The following SEC16B variants were observed in gnomAD, a reference collection of about 807,000 sequenced individuals.
The protein encoded by SEC16B is SEC16 homolog B, endoplasmic reticulum export factor.
Under a neutral mutation model 141.8 loss-of-function variants are expected in SEC16B, and 115 were observed. That is an observed-to-expected ratio of 0.81 (90% CI 0.70 to 0.95). The LOEUF (loss-of-function observed/expected upper bound fraction) is 0.95, where lower values mean the gene tolerates loss of function less well. Ranked by LOEUF, SEC16B falls within the 40% of genes least tolerant of loss-of-function variation. SEC16B has a pLI of 0.00. For synonymous variants in SEC16B, 493 were observed against 492.5 expected (o/e 1.00, Z -0.01); for missense variants, 1,291 against 1,312.3 (o/e 0.98, Z 0.25).
intron 25 of SEC16B, 80 bp downstream of exon 25, chr1:177,930,465 A>C: frequency 1.1e-6 from 1 of 892,258 alleles, no homozygotes; most frequent in Non-Finnish European, 1.8e-6. Flanking sequence ...CATAAATGGT[A>C]AACTGGGATG....
At chr1:177,969,509 G>A (rs1406395508) in intron 1 of SEC16B, among the ~76,000 whole-genome samples, 1 of 152,126 alleles carries the variant, frequency 6.6e-6, no homozygotes, top group Non-Finnish European at 1.5e-5. Context: ...GAAGGCTGGT[G>A]GAACTCAAAA....
At chr1:177,980,149 T>C (rs567404615) in intron 1 of SEC16B, among the ~76,000 whole-genome samples, 1 of 152,282 alleles carries the variant, frequency 6.6e-6, no homozygotes, top group East Asian at 1.9e-4. Flanking sequence ...CTTTTACACT[T>C]AGGATGCAAT....
At chr1:177,937,187 G>A (rs1650906584) in intron 19 of SEC16B, 27 bp downstream of exon 19, 1 of 1,576,224 alleles carries the variant, frequency 6.3e-7, no homozygotes, top group East Asian at 2.2e-5. Context: ...TACATTCAAT[G>A]TGGCCACCCT....
At chr1:177,964,041 G>C (rs1240841441) in intron 5 of SEC16B, 130 bp downstream of exon 5, 2 of 619,830 alleles carry the variant, frequency 3.2e-6, no homozygotes, top group Admixed American at 6.3e-5. Context: ...TCTGCCAAGA[G>C]GGGAGGAATG....
chr1:177,959,120 T>C (rs1652870586), intron 8 of SEC16B, 145 bp from the exon 9 acceptor site: 2 of 804,402 alleles, frequency 2.5e-6, no homozygotes, highest in Non-Finnish European at 4.2e-6. Context: ...GTAATGAGTC[T>C]ATAGCTATAG....
intron 25 of SEC16B, 70 bp downstream of exon 25, chr1:177,930,475 G>T: frequency 9.9e-7 from 1 of 1,007,942 alleles, no homozygotes; most frequent in Non-Finnish European, 1.5e-6. Context: ...AAACTGGGAT[G>T]ATAAACCTAG....
chr1:177,939,778 C>T lies in SEC16B; in HGVS notation c.2128-1G>A, dbSNP rs1158026071. 5.7e-6 allele frequency: 9 copies of T among 1,572,788 alleles called. No individual in the cohort carries two copies. Among genetic ancestry groups the T allele is most frequent in the African/African-American group, 1.4e-5 (1 of 73,882 alleles). On this transcript the variant is annotated splice_acceptor_variant, in intron 17 of 25. Transcript: ENST00000308284. LOFTEE classifies it high-confidence loss of function. Reference sequence around the variant, plus strand: ...CCCCAATGTCTCCTGCTACCTTTTGCTATTTAAAATAAAGTAAAATTCCTT... The same window carrying T: ...CCCCAATGTCTCCTGCTACCTTTTGTTATTTAAAATAAAGTAAAATTCCTT...
intron 1 of SEC16B, among the ~76,000 whole-genome samples, chr1:177,976,845 T>C (rs1290266425): frequency 2.0e-5 from 3 of 152,124 alleles, no homozygotes; most frequent in South Asian, 4.1e-4. Flanking sequence ...AATGCCCCCA[T>C]TGAGCCATGA....
upstream of SEC16B, among the ~76,000 whole-genome samples, chr1:177,972,051 A>T (rs976592072): frequency 2.6e-5 from 4 of 152,198 alleles, no homozygotes; most frequent in African/African-American, 4.8e-5. Context: ...TAGAATTGTC[A>T]TTCTGTTACT....
intron 13 of SEC16B, among the ~76,000 whole-genome samples, chr1:177,946,751 C>T (rs1651748113): frequency 6.6e-6 from 1 of 152,228 alleles, no homozygotes; most frequent in East Asian, 1.9e-4. Context: ...CATTTCTCTT[C>T]AGCCAGAATA....
chr1:177,975,629 A>T lies in SEC16B; in HGVS notation c.-58-7590T>A, dbSNP rs187444163. ...AAACATTACATTACAATAATTTTTT[A>T]AAAATTCTTAATCAAAGTGGGAATG... On this transcript the variant is annotated intron_variant and NMD_transcript_variant, in intron 1 of 24. Transcript: ENST00000528461. Among the ~76,000 whole-genome samples the T allele has an allele frequency of 2.5e-3, 377 of 152,342 alleles. 1 individual carries two copies. The highest frequency in any genetic ancestry group is 8.4e-3 in the African/African-American group (348 of 41,574).
chr1:177,941,937 T>C lies in SEC16B; in HGVS notation c.1985A>G (p.Glu662Gly). ...AIGAAVLSQG[E>G]SSHPVLLVEL... is the part of the protein sequence containing the mutation. ...CACTAATAGCACAGGGTGACTGCTC[T>C]CTCCCTGGCTCAAGACAGCTGCACC... The change falls in exon 16 of 26, where the codon GAG becomes GGG. Residue 662 changes from glutamate to glycine, a missense_variant. Glu to Gly is a moderately conservative substitution (Grantham distance 98, BLOSUM62 -2). Transcript: ENST00000308284. 2 of 1,614,022 alleles carry C rather than the reference T, an allele frequency of 1.2e-6. No homozygotes were observed. The highest frequency in any genetic ancestry group is 1.7e-6 in the Non-Finnish European group (2 of 1,179,892).
At position 177,936,290 on chromosome 1, in the gene SEC16B, G is replaced by A. The variant is rs750745027; in HGVS notation, c.2571+8C>T. On this transcript the variant is annotated splice_region_variant and intron_variant, in intron 20 of 25. Coordinates refer to ENST00000308284, the MANE Select transcript of SEC16B (RefSeq NM_033127.4). Reference sequence around the variant, plus strand: ...GGCAGTGGCATCTTTTATGCTGTGCGCTCTCACCTGTGGTTTGGAAATGAC... The same window carrying A: ...GGCAGTGGCATCTTTTATGCTGTGCACTCTCACCTGTGGTTTGGAAATGAC... 2.3e-5 allele frequency: 37 copies of A among 1,605,858 alleles called. No individual in the cohort carries two copies. The highest frequency in any genetic ancestry group is 3.3e-4 in the Middle Eastern group (2 of 6,056).
rs778240098 is a variant in SEC16B, at chr1:177,932,547, G to A, written c.2955C>T (p.Ser985=). 77 of 1,561,846 alleles carry A rather than the reference G, an allele frequency of 4.9e-5. No homozygotes were observed. Among genetic ancestry groups the A allele is most frequent in the African/African-American group, 2.6e-4 (19 of 73,258 alleles). ...CCGCAGCTGCTCCCCCGCTGGATGCGGATCCTCGGCCTTCACCCCCACCTG... is the reference window on the plus strand; with the variant it reads ...CCGCAGCTGCTCCCCCGCTGGATGCAGATCCTCGGCCTTCACCCCCACCTG... ...RGRGGGEGRG[S]ASSGGAAAGA... The change falls in exon 24 of 26, where the codon TCC becomes TCT. Residue 985 remains serine (S), a synonymous_variant. Coordinates refer to ENST00000308284, the MANE Select transcript of SEC16B (RefSeq NM_033127.4).
chr1:177,959,052 G>C (rs1418920118), intron 8 of SEC16B, 77 bp from the exon 9 acceptor site: 1 of 1,467,064 alleles, frequency 6.8e-7, no homozygotes, highest in Admixed American at 1.9e-5. Context: ...CTCCTCCTAA[G>C]TGTGCAAGTG....
intron 2 of SEC16B, among the ~76,000 whole-genome samples, chr1:177,967,149 T>C (rs1194974144): frequency 3.0e-4 from 45 of 152,092 alleles, no homozygotes; most frequent in Admixed American, 2.9e-3. Flanking sequence ...TTCCCTGAGG[T>C]CAATTTTTTT....
chr1:177,951,636 A>G (rs2101952060), intron 12 of SEC16B, among the ~76,000 whole-genome samples: 1 of 152,236 alleles, frequency 6.6e-6, no homozygotes, highest in African/African-American at 2.4e-5. Flanking sequence ...ACAGATCCTG[A>G]CCCCACTACT....
chr1:177,937,328 G>C lies in SEC16B; in HGVS notation c.2389C>G (p.Pro797Ala), dbSNP rs377084559. The C allele has an allele frequency of 1.2e-6, 2 of 1,613,672 alleles. No individual in the cohort carries two copies. The highest frequency in any genetic ancestry group is 1.3e-5 in the African/African-American group (1 of 74,908). The stretch of plus-strand genomic sequence containing the variant: ...TGGGTCTCAGGAACTGAGTAAAAAG[G>C]CCTCGGTGTCCCTGTCTGCCCTGCA... ...GGAGQTGTPR[P>A]FYSVPETHLP... The change falls in exon 19 of 26, where the codon CCT becomes GCT. Residue 797 changes from proline to alanine, a missense_variant. Transcript: ENST00000308284.
rs762326919 is a variant in SEC16B, at chr1:177,967,983, C to T, written c.-2G>A. On this transcript the variant is annotated 5_prime_UTR_variant, in exon 2 of 26. Coordinates refer to ENST00000308284, the MANE Select transcript of SEC16B (RefSeq NM_033127.4). ...CCTCTGGGGAGCCCAAAGTTCCATC[C>T]TTGACTCTCTGAATTTGTCCTGGGT... is the stretch of plus-strand genomic sequence containing the variant. 2.5e-6 allele frequency: 4 copies of T among 1,593,348 alleles called. No individual in the cohort carries two copies. The highest frequency in any genetic ancestry group is 2.3e-5 in the East Asian group (1 of 44,416).
Sources: allele counts gnomAD v4.1 joint callset (sites outside exome capture counted in the v4.1 genomes callset), GRCh38; gene constraint gnomAD v4.1.1; transcripts MANE v1.5; gene names NCBI Gene and HGNC (gene_info 2026-07-23, HGNC 2026-07-21).